LRFN2: variants seen among roughly 807,000 people sequenced by gnomAD.
The protein encoded by LRFN2 is leucine-rich repeat and fibronectin type-III domain-containing protein 2.
Under a neutral mutation model 37.3 loss-of-function variants are expected in LRFN2, and 18 were observed. The observed-to-expected ratio is 0.48, with a 90% CI of 0.33 to 0.72. The LOEUF (loss-of-function observed/expected upper bound fraction) is 0.72. Among genes scored for constraint, LRFN2 ranks in the 30% least tolerant of loss-of-function variants. LRFN2 has a pLI of 0.02. For synonymous variants in LRFN2, 556 were observed against 466.6 expected (o/e 1.19, Z -2.47); for missense variants, 1,006 against 1,060.7 (o/e 0.95, Z 0.72).
At chr6:40,485,262 C>T (rs189618912) in intron 1 of LRFN2, among the ~76,000 whole-genome samples, 79 of 152,264 alleles carry the variant, frequency 5.2e-4, no homozygotes, top group African/African-American at 1.6e-3. Context: ...GAACTTCCCC[C>T]TTCTCCCGGG....
At chr6:40,444,130 AG>A (rs1306293068) in intron 1 of LRFN2, among the ~76,000 whole-genome samples, 2 of 152,224 alleles carry the variant, frequency 1.3e-5, no homozygotes, top group Non-Finnish European at 2.9e-5. Context: ...AGAGCAGGGC[AG>A]TTAAAGGTGG....
chr6:40,543,283 A>G (rs145583439), intron 1 of LRFN2, among the ~76,000 whole-genome samples: 3 of 152,364 alleles, frequency 2.0e-5, no homozygotes, highest in African/African-American at 7.2e-5. Context: ...CACAAGCCAC[A>G]TAAAACCTTT....
chr6:40,472,593 G>A (rs866628665), intron 1 of LRFN2, among the ~76,000 whole-genome samples: 2 of 152,186 alleles, frequency 1.3e-5, no homozygotes, highest in Non-Finnish European at 2.9e-5. Context: ...CGTGTAAGCC[G>A]AGCTGGATTT....
chr6:40,518,155 G>T (rs1440589086), intron 1 of LRFN2, among the ~76,000 whole-genome samples: 1 of 152,122 alleles, frequency 6.6e-6, no homozygotes, highest in Non-Finnish European at 1.5e-5. Flanking sequence ...CAAATAATAG[G>T]CTTCAATTAG....
At chr6:40,464,917 A>G (rs1338967049) in intron 1 of LRFN2, among the ~76,000 whole-genome samples, 1 of 152,212 alleles carries the variant, frequency 6.6e-6, no homozygotes, top group Non-Finnish European at 1.5e-5. Flanking sequence ...AGATGTCCAC[A>G]TCTTCATCCC....
intron 1 of LRFN2, among the ~76,000 whole-genome samples, chr6:40,571,994 G>A (rs754715625): frequency 1.3e-5 from 2 of 152,162 alleles, no homozygotes; most frequent in Admixed American, 6.5e-5. Flanking sequence ...GGGGGGCTCC[G>A]AAACAGGTTT....
At chr6:40,428,287 T>A (rs1176992914) in intron 2 of LRFN2, among the ~76,000 whole-genome samples, 3 of 152,220 alleles carry the variant, frequency 2.0e-5, no homozygotes, top group Non-Finnish European at 4.4e-5. Context: ...TCTTTCCCAA[T>A]CAACATTTTT....
Position 40,422,596 on chromosome 6 carries a change from A to C in LRFN2, c.1400+9118T>G, listed in dbSNP as rs879682564. Reference sequence around the variant, plus strand: ...CTGACCTGGGCTGTTAATGAGGCTGAATAGAGCTGGGTTCTGTGAATACGC... The same window carrying C: ...CTGACCTGGGCTGTTAATGAGGCTGCATAGAGCTGGGTTCTGTGAATACGC... On this transcript the variant is annotated intron_variant, in intron 2 of 2. Coordinates refer to ENST00000338305, the MANE Select transcript of LRFN2 (RefSeq NM_020737.3). Among the ~76,000 whole-genome samples the C allele has an allele frequency of 3.9e-5, 6 of 152,182 alleles. No individual in the cohort carries two copies. In the South Asian group the frequency reaches 8.3e-4, roughly 21 times the overall value.
chr6:40,515,282 T>C (rs997070405), intron 1 of LRFN2, among the ~76,000 whole-genome samples: 9 of 152,144 alleles, frequency 5.9e-5, no homozygotes, highest in Non-Finnish European at 1.2e-4. Flanking sequence ...CATCCTCAAC[T>C]GCATGTTGAA....
intron 1 of LRFN2, among the ~76,000 whole-genome samples, chr6:40,536,823 C>T (rs115160403): frequency 0.015 from 2,266 of 152,294 alleles, 34 homozygotes; most frequent in Admixed American, 0.028. Flanking sequence ...GCCTTATCTC[C>T]TGGCCCCTGG....
chr6:40,541,466 C>A (rs1035637292), intron 1 of LRFN2, among the ~76,000 whole-genome samples: 2 of 152,108 alleles, frequency 1.3e-5, no homozygotes, highest in Admixed American at 1.3e-4. Flanking sequence ...CACCGTAATT[C>A]CCAGGTGTCC....
chr6:40,418,286 G>A (rs1489089691), intron 2 of LRFN2, among the ~76,000 whole-genome samples: 3 of 152,080 alleles, frequency 2.0e-5, no homozygotes, highest in East Asian at 1.9e-4. Context: ...TTACAGAGGC[G>A]ATTCCTAACC....
At chr6:40,559,230 C>T (rs185693894) in intron 1 of LRFN2, among the ~76,000 whole-genome samples, 1 of 152,108 alleles carries the variant, frequency 6.6e-6, no homozygotes, top group Non-Finnish European at 1.5e-5. Flanking sequence ...TATAAATGCT[C>T]CTCCTGGGAA....
chr6:40,558,052 G>A (rs930094003), intron 1 of LRFN2, among the ~76,000 whole-genome samples: 1 of 152,180 alleles, frequency 6.6e-6, no homozygotes, highest in African/African-American at 2.4e-5. Context: ...CTGATGTGGT[G>A]CTCTGTGGGC....
At chr6:40,517,976 T>C (rs556070177) in intron 1 of LRFN2, among the ~76,000 whole-genome samples, 45 of 152,206 alleles carry the variant, frequency 3.0e-4, no homozygotes, top group African/African-American at 1.0e-3. Context: ...TGACTCCTCA[T>C]CTCCCAGTTC....
chr6:40,521,143 G>A, intron 1 of LRFN2, among the ~76,000 whole-genome samples: 1 of 152,168 alleles, frequency 6.6e-6, no homozygotes, highest in Admixed American at 6.5e-5. Flanking sequence ...GACAGGAAAA[G>A]TGTGTATGCC....
chr6:40,468,876 T>C (rs1279407473), intron 1 of LRFN2, among the ~76,000 whole-genome samples: 1 of 152,084 alleles, frequency 6.6e-6, no homozygotes, highest in Non-Finnish European at 1.5e-5. Flanking sequence ...AATTTTGAAG[T>C]GCAGTGAGTG....
At position 40,432,006 on chromosome 6, in the gene LRFN2, C is replaced by T. The variant is rs1229730992; in HGVS notation, c.1108G>A (p.Ala370Thr). 1 of 1,613,732 alleles carries T rather than the reference C, an allele frequency of 6.2e-7. No homozygotes were observed. The highest frequency in any genetic ancestry group is 8.5e-7 in the Non-Finnish European group (1 of 1,180,036). Reference sequence around the variant, plus strand: ...TGGACGATGGAGACCTCCACCATGGCCGTGGCCTCTCCGGCAGCATTGGCA... The same window carrying T: ...TGGACGATGGAGACCTCCACCATGGTCGTGGCCTCTCCGGCAGCATTGGCA... ...IAANAAGEAT[A>T]MVEVSIVQLP... The change falls in exon 2 of 3, where the codon GCC becomes ACC. Residue 370 changes from alanine to threonine, a missense_variant. Physicochemically the swap from Ala to Thr is moderately conservative, Grantham distance 58. Coordinates refer to ENST00000338305, the MANE Select transcript of LRFN2 (RefSeq NM_020737.3).
At chr6:40,479,145 G>A (rs797014576) in intron 1 of LRFN2, among the ~76,000 whole-genome samples, 4 of 152,294 alleles carry the variant, frequency 2.6e-5, no homozygotes, top group African/African-American at 7.2e-5. Flanking sequence ...GGTTCCTACC[G>A]CAGGAGGTTA....
Sources: gnomAD v4.1 joint callset for allele counts (sites outside exome capture counted in the v4.1 genomes callset) on GRCh38, gnomAD v4.1.1 for gene constraint, MANE v1.5 for transcripts, NCBI Gene and HGNC (gene_info 2026-07-23, HGNC 2026-07-21) for gene names.